The following PIK3R3 variants were observed in gnomAD, a reference collection of about 807,000 sequenced individuals.
PIK3R3 encodes phosphoinositide-3-kinase regulatory subunit 3.
In PIK3R3, 64 loss-of-function variants were observed where a neutral mutation model predicts 62.9. The observed-to-expected ratio is 1.02, with a 90% CI of 0.83 to 1.25. PIK3R3 has a LOEUF of 1.25. Ranked by LOEUF, PIK3R3 falls within the 50% of genes most tolerant of loss-of-function variation. The pLI, the probability that PIK3R3 is intolerant of heterozygous loss-of-function variation, is 0.00. For missense variants in PIK3R3, 614 were observed against 561.6 expected, an observed-to-expected ratio of 1.09 and a Z score of -0.94; for synonymous variants, 165 against 189.0, an observed-to-expected ratio of 0.87 and a Z score of 1.04.
intron 1 of PIK3R3, among the ~76,000 whole-genome samples, chr1:46,106,641 G>A (rs1168037798): frequency 2.0e-5 from 3 of 152,098 alleles, no homozygotes; most frequent in Non-Finnish European, 4.4e-5. Context: ...GCCTATCAAG[G>A]AGTTCATGAC....
At chr1:46,086,840 G>A (rs1221567430) in intron 1 of PIK3R3, among the ~76,000 whole-genome samples, 1 of 152,132 alleles carries the variant, frequency 6.6e-6, no homozygotes, top group Non-Finnish European at 1.5e-5. Flanking sequence ...GAGCAGTTAA[G>A]TCCTTAGTTC....
the PIK3R3 span, among the ~76,000 whole-genome samples, chr1:46,145,166 A>G: frequency 6.6e-6 from 1 of 151,850 alleles, no homozygotes; most frequent in Non-Finnish European, 1.5e-5. Flanking sequence ...AAAATTTAGA[A>G]TTCACAGATC....
At chr1:46,120,813 C>T (rs1005616787) in intron 1 of PIK3R3, among the ~76,000 whole-genome samples, 2 of 152,050 alleles carry the variant, frequency 1.3e-5, no homozygotes, top group Non-Finnish European at 2.9e-5. Flanking sequence ...CGTGATTAAC[C>T]TAAGGGTTAT....
intron 1 of PIK3R3, among the ~76,000 whole-genome samples, chr1:46,113,224 G>C (rs1277920077): frequency 6.6e-6 from 1 of 151,572 alleles, no homozygotes; most frequent in African/African-American, 2.4e-5. Flanking sequence ...CCTAAATATA[G>C]CCTTCGGGGC....
chr1:46,124,138 TAAGAAGCTCTAAATAC>T (rs1182396950), intron 1 of PIK3R3, among the ~76,000 whole-genome samples: 1 of 152,154 alleles, frequency 6.6e-6, no homozygotes, highest in Admixed American at 6.5e-5. Context: ...ATGTTTTCAA[TAAGAAGCTCTAAATAC>T]AAGCTACACT....
Position 46,040,627 on chromosome 1 carries a change from T to G in PIK3R3, c.*3046A>C, listed in dbSNP as rs565888804. On this transcript the variant is annotated 3_prime_UTR_variant, in exon 10 of 10. Transcript: ENST00000262741. ...CTCACAGAGGCCTACTCTGGGTTGT[T>G]AAATAGCAGCAGAGACCACCTTAGA... 1.0e-4 allele frequency: 23 copies of G among 220,162 alleles called. No homozygotes were observed. In the East Asian group the frequency reaches 1.4e-3, roughly 13 times the overall value. 13.6% of individuals were successfully genotyped at this position (220,162 alleles called of 1,614,324 possible).
chr1:46,145,853 T>G, the PIK3R3 span, among the ~76,000 whole-genome samples: 5,204 of 152,254 alleles, frequency 0.034, 297 homozygotes, highest in African/African-American at 0.12. Context: ...AAAAGGCCCA[T>G]GCAGTTCCTA....
In PIK3R3 at chr1:46,043,619, A is replaced by G; in HGVS notation, c.*54T>C. 2.1e-6 allele frequency: 3 copies of G among 1,451,106 alleles called. No individual in the cohort carries two copies. Among genetic ancestry groups the G allele is most frequent in the Non-Finnish European group, 2.9e-6 (3 of 1,033,110 alleles). 89.9% of individuals were successfully genotyped at this position (1,451,106 alleles called of 1,614,324 possible). On this transcript the variant is annotated 3_prime_UTR_variant, in exon 10 of 10. Coordinates refer to ENST00000262741, the MANE Select transcript of PIK3R3 (RefSeq NM_003629.4). The stretch of plus-strand genomic sequence containing the variant: ...AGAAAGAATGCCCTCATCGTAGTCT[A>G]ATAAAAACTGTAGAAAAAAATGCCA...
intron 1 of PIK3R3, among the ~76,000 whole-genome samples, chr1:46,091,554 T>A (rs964324991): frequency 1.3e-5 from 2 of 152,172 alleles, no homozygotes. Flanking sequence ...AGTTACTATA[T>A]GGCTCTTTAC....
At chr1:46,085,768 C>T (rs1447082113) in intron 1 of PIK3R3, among the ~76,000 whole-genome samples, 1 of 152,186 alleles carries the variant, frequency 6.6e-6, no homozygotes, top group East Asian at 1.9e-4. Context: ...CACTGCAATG[C>T]TGAGTGATAA....
At chr1:46,063,772 G>GT (rs1259219828) in intron 5 of PIK3R3, among the ~76,000 whole-genome samples, 1 of 151,782 alleles carries the variant, frequency 6.6e-6, no homozygotes, top group Non-Finnish European at 1.5e-5. Flanking sequence ...TCACTCTATC[G>GT]TATCAGCTAA....
At chr1:46,163,976 C>A in the PIK3R3 span, among the ~76,000 whole-genome samples, 1 of 152,184 alleles carries the variant, frequency 6.6e-6, no homozygotes, top group Non-Finnish European at 1.5e-5. Context: ...GGGAGATGCA[C>A]TAGGACCAGC....
intron 5 of PIK3R3, among the ~76,000 whole-genome samples, chr1:46,063,967 C>G (rs531772145): frequency 2.6e-5 from 4 of 152,336 alleles, no homozygotes; most frequent in African/African-American, 9.6e-5. Flanking sequence ...AATCCCAACA[C>G]TTTGGGAGGC....
intron 1 of PIK3R3, among the ~76,000 whole-genome samples, chr1:46,122,616 C>G (rs531312001): frequency 6.6e-6 from 1 of 152,298 alleles, no homozygotes; most frequent in South Asian, 2.1e-4. Context: ...GATCCACCCA[C>G]CTCGGCACCT....
intron 1 of PIK3R3, among the ~76,000 whole-genome samples, chr1:46,081,058 G>C (rs1243603043): frequency 1.3e-5 from 2 of 151,948 alleles, no homozygotes; most frequent in Admixed American, 6.6e-5. Flanking sequence ...AAGCCACTAA[G>C]TGACCAATGT....
intron 6 of PIK3R3, among the ~76,000 whole-genome samples, chr1:46,059,157 C>T (rs779478385): frequency 3.3e-5 from 5 of 152,212 alleles, no homozygotes; most frequent in Non-Finnish European, 5.9e-5. Context: ...CCATGTAAGA[C>T]GTGATTTGCT....
chr1:46,106,664 G>A (rs1240549602), intron 1 of PIK3R3, among the ~76,000 whole-genome samples: 1 of 152,182 alleles, frequency 6.6e-6, no homozygotes, highest in African/African-American at 2.4e-5. Flanking sequence ...AACTTGGAAA[G>A]TTAGTTGGAA....
chr1:46,084,313 A>C (rs1013374007), intron 1 of PIK3R3, among the ~76,000 whole-genome samples: 3 of 152,204 alleles, frequency 2.0e-5, no homozygotes, highest in Non-Finnish European at 4.4e-5. Context: ...AGGGTAATGA[A>C]AATATTCCAA....
intron 1 of PIK3R3, among the ~76,000 whole-genome samples, chr1:46,129,793 C>T (rs952410339): frequency 8.5e-5 from 13 of 152,110 alleles, no homozygotes; most frequent in African/African-American, 2.4e-4. Context: ...AAGTGTGCTT[C>T]GTTTTCAAAA....
Sources: allele counts gnomAD v4.1 joint callset (sites outside exome capture counted in the v4.1 genomes callset), GRCh38; gene constraint gnomAD v4.1.1; transcripts MANE v1.5; gene names NCBI Gene and HGNC (gene_info 2026-07-23, HGNC 2026-07-21).